The following PRPSAP2 variants were observed in gnomAD, a reference collection of about 807,000 sequenced individuals.
PRPSAP2 encodes the protein phosphoribosyl pyrophosphate synthetase associated protein 2.
PRPSAP2 carries 24 observed loss-of-function variants against 40.6 expected under a neutral mutation model. The ratio of observed to expected loss-of-function variants is 0.59; its 90% CI spans 0.43 to 0.83. PRPSAP2 has a LOEUF of 0.83. Among genes scored for constraint, PRPSAP2 ranks in the 40% least tolerant of loss-of-function variants. PRPSAP2 has a pLI of 0.00. For synonymous variants in PRPSAP2, 149 were observed against 164.7 expected (o/e 0.90, Z 0.73); for missense variants, 292 against 465.6 (o/e 0.63, Z 3.43).
chr17:18,873,498 G>A (rs1360626540), intron 5 of PRPSAP2, among the ~76,000 whole-genome samples: 4 of 152,074 alleles, frequency 2.6e-5, no homozygotes, highest in East Asian at 1.9e-4. Flanking sequence ...GAGCCACTGC[G>A]CCCAGCCTGG....
At chr17:18,856,869 C>T (rs571979652), upstream of PRPSAP2, among the ~76,000 whole-genome samples, 2 of 152,138 alleles carry the variant, frequency 1.3e-5, no homozygotes, top group African/African-American at 4.8e-5. Flanking sequence ...AATAAGTTAC[C>T]GTTAATATAT....
Sources: allele counts gnomAD v4.1 joint callset (sites outside exome capture counted in the v4.1 genomes callset), GRCh38; gene constraint gnomAD v4.1.1; transcripts MANE v1.5; gene names NCBI Gene and HGNC (gene_info 2026-07-23, HGNC 2026-07-21).